Variants in NFKBIZ observed in about 807,000 individuals in gnomAD.
The protein encoded by NFKBIZ is NFKB inhibitor zeta.
NFKBIZ carries 19 observed loss-of-function variants against 76.8 expected under a neutral mutation model. The ratio of observed to expected loss-of-function variants is 0.25; its 90% CI spans 0.17 to 0.36. The LOEUF (loss-of-function observed/expected upper bound fraction) is 0.36. Among genes scored for constraint, NFKBIZ ranks in the 10% least tolerant of loss-of-function variants. NFKBIZ has a pLI of 1.00. For missense variants in NFKBIZ, 829 were observed against 910.9 expected, an observed-to-expected ratio of 0.91 and a Z score of 1.16; for synonymous variants, 368 against 354.8, an observed-to-expected ratio of 1.04 and a Z score of -0.42.
Position 101,849,708 on chromosome 3 carries a change from C to T in NFKBIZ, c.80C>T (p.Thr27Ile). The T allele has an allele frequency of 2.1e-6, 3 of 1,432,446 alleles. No homozygotes were observed. The highest frequency in any genetic ancestry group is 1.8e-6 in the Non-Finnish European group (2 of 1,098,806). The allele number at this position is 1,432,446 out of a possible 1,614,324, so 88.7% of individuals were successfully genotyped here. A position where few individuals can be genotyped will look rare whatever the true frequency, so the allele number is the denominator to read the frequency against. The change falls in exon 1 of 12, where the codon ACC (threonine) becomes ATC (isoleucine). Residue 27 changes from threonine (T) to isoleucine (I), a missense_variant. Around this residue, in one of 4 missense-constraint regions of NFKBIZ, gnomAD observed 181 missense variants for 175.3 expected, o/e 1.03. Transcript: ENST00000326172. ...RDAAGGCGLM[T>I]SPLNLSYFYG... ...GCGGCGGGCGGCTGCGGCCTCATGA[C>T]CAGCCCGCTCAACCTGAGCTACTTC...
At chr3:101,851,516 C>T (rs752676603) in intron 1 of NFKBIZ, among the ~76,000 whole-genome samples, 8 of 152,196 alleles carry the variant, frequency 5.3e-5, no homozygotes, top group South Asian at 2.1e-4. Flanking sequence ...TGTTAATTGT[C>T]AGGTTTTCGT....
intron 6 of NFKBIZ, 58 bp from the exon 7 acceptor site, chr3:101,855,004 T>A (rs1319229960): frequency 6.6e-7 from 1 of 1,516,838 alleles, no homozygotes; most frequent in East Asian, 2.3e-5. Context: ...AGTTTCATAT[T>A]CCTTGTTATG....
At chr3:101,853,973 C>T in intron 5 of NFKBIZ, 110 bp downstream of exon 5, 2 of 1,054,482 alleles carry the variant, frequency 1.9e-6, no homozygotes, top group Non-Finnish European at 2.7e-6. Context: ...TAGTGGTTGG[C>T]TAACCAAGAT....
At chr3:101,840,943 G>A (rs917507996) in intron 2 of NFKBIZ, among the ~76,000 whole-genome samples, 6 of 152,160 alleles carry the variant, frequency 3.9e-5, no homozygotes, top group African/African-American at 9.7e-5. Flanking sequence ...AGATGACTCC[G>A]GGGACACTAT....
chr3:101,853,931 T>G (rs1943008721), intron 5 of NFKBIZ, 68 bp downstream of exon 5: 2 of 1,484,376 alleles, frequency 1.3e-6, no homozygotes, highest in East Asian at 4.5e-5. Context: ...GAGCATATAA[T>G]TTTTCTAGGG....
intron 2 of NFKBIZ, among the ~76,000 whole-genome samples, chr3:101,843,835 TA>T (rs1432547604): frequency 2.2e-4 from 34 of 152,212 alleles, no homozygotes; most frequent in African/African-American, 8.0e-4. Context: ...CATTATATAA[TA>T]TAAAAAAATC....
In NFKBIZ at chr3:101,857,299, A is replaced by G. The variant is rs76884309; in HGVS notation, c.1943A>G (p.Asn648Ser). Reference sequence around the variant, plus strand: ...TCATTTCTTTGTCTTCAGGCTTACAATGGCAACACTGCCCTCCATGTTGCT... The same window carrying G: ...TCATTTCTTTGTCTTCAGGCTTACAGTGGCAACACTGCCCTCCATGTTGCT... ...CLSFVNAKAYNGNTALHVAAS... is the reference protein window; with the variant it reads ...CLSFVNAKAYSGNTALHVAAS... The change falls in exon 11 of 12, where the codon AAT (asparagine) becomes AGT (serine). Residue 648 changes from asparagine (N) to serine (S), a missense_variant. Transcript: ENST00000326172. 3.1e-4 allele frequency: 503 copies of G among 1,614,146 alleles called. 1 individual carries two copies. The East Asian group carries it at 7.7e-3, about 25-fold the overall frequency.
chr3:101,845,184 C>T (rs146609201), upstream of NFKBIZ, among the ~76,000 whole-genome samples: 12 of 151,374 alleles, frequency 7.9e-5, no homozygotes, highest in African/African-American at 1.9e-4. Flanking sequence ...AGGAGAATGG[C>T]GTGAACCCGG....
intron 1 of NFKBIZ, among the ~76,000 whole-genome samples, chr3:101,828,406 T>C (rs1942588411): frequency 6.6e-6 from 1 of 152,152 alleles, no homozygotes; most frequent in African/African-American, 2.4e-5. Context: ...ATCATGTCTG[T>C]TTGCTTTAAA....
At position 101,855,056 on chromosome 3, in the gene NFKBIZ, C is replaced by G; in HGVS notation, c.1444-6C>G. The G allele has an allele frequency of 6.3e-7, 1 of 1,596,722 alleles. No individual in the cohort carries two copies. Among genetic ancestry groups the G allele is most frequent in the East Asian group, 2.2e-5 (1 of 44,814 alleles). On this transcript the variant is annotated splice_polypyrimidine_tract_variant and splice_region_variant and intron_variant, in intron 6 of 11. Coordinates refer to ENST00000326172, the MANE Select transcript of NFKBIZ (RefSeq NM_031419.4). ...AAAATATCTTTTTTCCTCTGGATAT[C>G]CACAGAGTGCCTTTCAGGTGGCAGT... is the stretch of plus-strand genomic sequence containing the variant.
At chr3:101,850,696 A>T (rs1942942675) in intron 1 of NFKBIZ, among the ~76,000 whole-genome samples, 1 of 152,232 alleles carries the variant, frequency 6.6e-6, no homozygotes, top group Non-Finnish European at 1.5e-5. Context: ...GTTGAGAGTA[A>T]TTAGCATGAT....
At chr3:101,841,132 A>G (rs371203304) in intron 2 of NFKBIZ, among the ~76,000 whole-genome samples, 1 of 152,158 alleles carries the variant, frequency 6.6e-6, no homozygotes, top group East Asian at 1.9e-4. Context: ...AATTTCCTCA[A>G]TATGGTATAC....
intron 2 of NFKBIZ, among the ~76,000 whole-genome samples, chr3:101,840,694 C>A (rs1942775450): frequency 6.6e-6 from 1 of 152,190 alleles, no homozygotes; most frequent in Non-Finnish European, 1.5e-5. Context: ...GATTCAGGGT[C>A]TGTTTATAAG....
At chr3:101,850,860 T>C (rs1942947222) in intron 1 of NFKBIZ, among the ~76,000 whole-genome samples, 1 of 152,226 alleles carries the variant, frequency 6.6e-6, no homozygotes, top group Non-Finnish European at 1.5e-5. Flanking sequence ...CCAGAAAGAA[T>C]ATGTGTTTAG....
intron 11 of NFKBIZ, chr3:101,858,496 A>G: frequency 1.1e-6 from 1 of 939,846 alleles, no homozygotes; most frequent in Non-Finnish European, 1.3e-6. Flanking sequence ...GCAGTCATAT[A>G]ACTATGCTCT....
Position 101,859,352 on chromosome 3 carries a change from A to C in NFKBIZ, c.2138A>C (p.Gln713Pro). ...RRILKGKSIQ[Q>P]RAPPY Reference sequence around the variant, plus strand: ...ATCCTGAAGGGAAAGTCCATTCAGCAGAGAGCTCCACCGTATTAGCTCCAT... The same window carrying C: ...ATCCTGAAGGGAAAGTCCATTCAGCCGAGAGCTCCACCGTATTAGCTCCAT... The change falls in exon 12 of 12, where the codon CAG (glutamine) becomes CCG (proline). Residue 713 changes from glutamine (Q) to proline (P), a missense_variant. Physicochemically the swap from Gln to Pro is moderately conservative, Grantham distance 76. Transcript: ENST00000326172. 2 of 1,613,760 alleles carry C rather than the reference A, an allele frequency of 1.2e-6. No individual in the cohort carries two copies. The highest frequency in any genetic ancestry group is 1.7e-6 in the Non-Finnish European group (2 of 1,179,720).
intron 2 of NFKBIZ, among the ~76,000 whole-genome samples, chr3:101,830,128 T>A (rs982633694): frequency 1.3e-5 from 2 of 152,146 alleles, no homozygotes; most frequent in African/African-American, 4.8e-5. Flanking sequence ...TTTCTGTTCC[T>A]TTAATTTGGG....
Position 101,850,037 on chromosome 3 carries a change from T to C in NFKBIZ, c.289+120T>C, listed in dbSNP as rs1231825967. On this transcript the variant is annotated intron_variant, in intron 1 of 11. Coordinates refer to ENST00000326172, the MANE Select transcript of NFKBIZ (RefSeq NM_031419.4). The stretch of plus-strand genomic sequence containing the variant: ...TCCTTAGAGCTAGGACGTACGCACC[T>C]TAGCCATCAATTACCACTCCCCGCC... 19 of 1,001,638 alleles carry C rather than the reference T, an allele frequency of 1.9e-5. No individual in the cohort carries two copies. In the East Asian group the frequency reaches 6.3e-4, roughly 33 times the overall value. 62.0% of individuals were successfully genotyped at this position (1,001,638 alleles called of 1,614,324 possible).
rs766424470 is a variant in NFKBIZ, at chr3:101,855,132, A to G, written c.1514A>G (p.Gln505Arg). ...CAGGATCTGGTGAACATCGGGGCAC[A>G]GGTGAACACCACAGACTGCTGGGGA... is the stretch of plus-strand genomic sequence containing the variant. The part of the protein sequence containing the change: ...IVQDLVNIGA[Q>R]VNTTDCWGRT... Residue 505 changes from glutamine to arginine, a missense_variant, in exon 7 of 12, where the codon CAG becomes CGG. This residue lies in a region of NFKBIZ where 272 missense variants were observed against 384.2 expected (regional missense o/e 0.71). Transcript: ENST00000326172. 1 of 1,614,106 alleles carries G rather than the reference A, an allele frequency of 6.2e-7. No individual in the cohort carries two copies. Among genetic ancestry groups the G allele is most frequent in the East Asian group, 2.2e-5 (1 of 44,882 alleles).
Sources: allele counts gnomAD v4.1 joint callset (sites outside exome capture counted in the v4.1 genomes callset), GRCh38; gene constraint gnomAD v4.1.1; regional missense constraint gnomAD v4.1.1; transcripts MANE v1.5; gene names NCBI Gene and HGNC (gene_info 2026-07-23, HGNC 2026-07-21).